The following GPATCH2 variants were observed in gnomAD, a reference collection of about 807,000 sequenced individuals.
The protein encoded by GPATCH2 is G patch domain-containing protein 2.
In GPATCH2, 51 loss-of-function variants were observed where a neutral mutation model predicts 58.0. The observed-to-expected ratio is 0.88, with a 90% confidence interval of 0.70 to 1.11. The LOEUF (loss-of-function observed/expected upper bound fraction) is 1.11, where lower values mean the gene tolerates loss of function less well. GPATCH2 is among the 50% of genes most tolerant of loss of function. The pLI, the probability that GPATCH2 is intolerant of heterozygous loss-of-function variation, is 0.00. For missense variants in GPATCH2, 625 were observed against 652.2 expected, an observed-to-expected ratio of 0.96 and a Z score of 0.45; for synonymous variants, 222 against 218.5, an observed-to-expected ratio of 1.02 and a Z score of -0.14.
At chr1:217,434,710 A>G (rs757557160) in intron 9 of GPATCH2, among the ~76,000 whole-genome samples, 1 of 152,218 alleles carries the variant, frequency 6.6e-6, no homozygotes, top group Non-Finnish European at 1.5e-5. Context: ...CTGCTAAATT[A>G]TGGTGAATTT....
chr1:217,535,649 C>T (rs893460475), intron 5 of GPATCH2, among the ~76,000 whole-genome samples: 3 of 152,182 alleles, frequency 2.0e-5, no homozygotes, highest in African/African-American at 4.8e-5. Context: ...CTGCGCCCGG[C>T]CAAGTTAATG....
intron 8 of GPATCH2, among the ~76,000 whole-genome samples, chr1:217,460,233 ATTGTAT>A (rs1329088202): frequency 5.3e-5 from 8 of 152,214 alleles, no homozygotes; most frequent in Non-Finnish European, 1.2e-4. Context: ...AAGTTAAGTT[ATTGTAT>A]TTGTAACAAA....
chr1:217,612,995 C>T (rs1195446544), intron 3 of GPATCH2, among the ~76,000 whole-genome samples: 2 of 152,072 alleles, frequency 1.3e-5, no homozygotes, highest in African/African-American at 4.8e-5. Flanking sequence ...CCATACTTAT[C>T]AAAGATTGAC....
At chr1:217,440,405 A>G (rs937215937) in intron 9 of GPATCH2, among the ~76,000 whole-genome samples, 1 of 152,242 alleles carries the variant, frequency 6.6e-6, no homozygotes, top group Admixed American at 6.5e-5. Context: ...AGCCAATATC[A>G]TACTGAATGG....
chr1:217,604,323 C>T (rs146791757), intron 5 of GPATCH2, among the ~76,000 whole-genome samples: 3,655 of 150,878 alleles, frequency 0.024, 75 homozygotes, highest in Non-Finnish European at 0.036. Context: ...TGCACTCCAA[C>T]CTGGGTGACA....
Position 217,428,323 on chromosome 1 carries a change from T to A in GPATCH2, c.*2822A>T, listed in dbSNP as rs1211352791. On this transcript the variant is annotated 3_prime_UTR_variant, in exon 10 of 10. Transcript: ENST00000366935. ...GCTTCACAAAACAGCAGAAGAAATATCTTACTACCTTTTAGAGGAAATATA... is the reference window on the plus strand; with the variant it reads ...GCTTCACAAAACAGCAGAAGAAATAACTTACTACCTTTTAGAGGAAATATA... 1 of 152,162 alleles carries A rather than the reference T, an allele frequency of 6.6e-6. No individual in the cohort carries two copies. Among genetic ancestry groups the A allele is most frequent in the East Asian group, 1.9e-4 (1 of 5,202 alleles). 9.4% of individuals were successfully genotyped at this position (152,162 alleles called of 1,614,324 possible).
chr1:217,486,469 T>C (rs1327679913), intron 8 of GPATCH2, among the ~76,000 whole-genome samples: 1 of 152,160 alleles, frequency 6.6e-6, no homozygotes, highest in Non-Finnish European at 1.5e-5. Flanking sequence ...AGCATGATCA[T>C]GGCTCACTGC....
Position 217,619,774 on chromosome 1 carries a change from A to G in GPATCH2, c.773+9T>C. 2 of 1,257,558 alleles carry G rather than the reference A, an allele frequency of 1.6e-6. No homozygotes were observed. The highest frequency in any genetic ancestry group is 2.2e-6 in the Non-Finnish European group (2 of 905,562). 77.9% of individuals were successfully genotyped at this position (1,257,558 alleles called of 1,614,324 possible). A position where few individuals can be genotyped will look rare whatever the true frequency, so the allele number is the denominator to read the frequency against. ...AAATATTTTTATATTTAGAGAATAT[A>G]AAAGTCACCTTTCACTCATGAGCTC... On this transcript the variant is annotated intron_variant, in intron 2 of 9. Coordinates refer to ENST00000366935, the MANE Select transcript of GPATCH2 (RefSeq NM_018040.5).
At chr1:217,551,325 G>C (rs1665350601) in intron 5 of GPATCH2, among the ~76,000 whole-genome samples, 1 of 152,036 alleles carries the variant, frequency 6.6e-6, no homozygotes, top group Admixed American at 6.6e-5. Flanking sequence ...ATTTAAGAAA[G>C]GGTCTCTGGA....
intron 5 of GPATCH2, among the ~76,000 whole-genome samples, chr1:217,533,925 G>T (rs528106232): frequency 1.3e-5 from 2 of 152,074 alleles, no homozygotes; most frequent in Non-Finnish European, 2.9e-5. Context: ...CTATTAAAAA[G>T]ATTCTTACAG....
intron 5 of GPATCH2, among the ~76,000 whole-genome samples, chr1:217,578,904 T>A (rs986693744): frequency 6.6e-6 from 1 of 152,206 alleles, no homozygotes; most frequent in Non-Finnish European, 1.5e-5. Context: ...GAACATAGAA[T>A]GATCGATACT....
At chr1:217,571,852 G>C (rs1402290102) in intron 5 of GPATCH2, among the ~76,000 whole-genome samples, 1 of 151,722 alleles carries the variant, frequency 6.6e-6, no homozygotes, top group Non-Finnish European at 1.5e-5. Context: ...AGTGGGCCAA[G>C]ATCACATCAC....
At chr1:217,614,252 C>A (rs760912067) in intron 2 of GPATCH2, 50 bp from the exon 3 acceptor site, 4 of 1,070,472 alleles carry the variant, frequency 3.7e-6, no homozygotes, top group South Asian at 2.7e-5. Context: ...ATTGATCTCT[C>A]AGTCGTAAAA....
At chr1:217,572,407 C>T (rs1054600286) in intron 5 of GPATCH2, among the ~76,000 whole-genome samples, 4 of 152,114 alleles carry the variant, frequency 2.6e-5, no homozygotes, top group African/African-American at 9.7e-5. Context: ...AAAGCCTGGA[C>T]ACAAAGGCAA....
chr1:217,502,905 T>C (rs148547232), intron 6 of GPATCH2, among the ~76,000 whole-genome samples: 1 of 152,124 alleles, frequency 6.6e-6, no homozygotes, highest in Non-Finnish European at 1.5e-5. Context: ...TTCTAGGGCC[T>C]GTGAGGGACA....
rs181099504 is a variant in GPATCH2, at chr1:217,449,801, A to G, written c.1278-464T>C. Among the ~76,000 whole-genome samples, 5 of 152,316 alleles carry G rather than the reference A, an allele frequency of 3.3e-5. No individual in the cohort carries two copies. The East Asian group carries it at 9.7e-4, about 29-fold the overall frequency. ...AATTCTCTTAAAACATTTTAAATAG[A>G]AGGAAATAGTGATGCTTCCCTTATA... On this transcript the variant is annotated intron_variant, in intron 8 of 9. Transcript: ENST00000366935.
intron 5 of GPATCH2, among the ~76,000 whole-genome samples, chr1:217,553,813 A>G (rs1376761306): frequency 6.6e-6 from 1 of 152,220 alleles, no homozygotes; most frequent in East Asian, 1.9e-4. Context: ...TGTGAAATAC[A>G]ATGGCATTTT....
intron 5 of GPATCH2, among the ~76,000 whole-genome samples, chr1:217,607,440 C>T (rs1419648944): frequency 1.3e-5 from 2 of 151,974 alleles, no homozygotes; most frequent in East Asian, 1.9e-4. Context: ...TGAGAAATGC[C>T]GTCTAGTGCT....
At chr1:217,454,624 T>A (rs561397961) in intron 8 of GPATCH2, among the ~76,000 whole-genome samples, 1 of 151,676 alleles carries the variant, frequency 6.6e-6, no homozygotes, top group East Asian at 2.0e-4. Flanking sequence ...TTCCTTTTTT[T>A]TTCCTCCCCT....
Sources: allele counts gnomAD v4.1 joint callset (sites outside exome capture counted in the v4.1 genomes callset), GRCh38; gene constraint gnomAD v4.1.1; transcripts MANE v1.5; gene names NCBI Gene and HGNC (gene_info 2026-07-23, HGNC 2026-07-21).